RORB: variants seen among roughly 807,000 people sequenced by gnomAD.
RORB encodes the protein RAR related orphan receptor B.
In RORB, 6 loss-of-function variants were observed where a neutral mutation model predicts 59.1. The ratio of observed to expected loss-of-function variants is 0.10; its 90% confidence interval spans 0.06 to 0.20. The LOEUF is 0.20. Among genes scored for constraint, RORB ranks in the 10% least tolerant of loss-of-function variants. RORB has a pLI of 1.00. For synonymous variants in RORB, 215 were observed against 204.5 expected (o/e 1.05, Z -0.44); for missense variants, 320 against 560.5 (o/e 0.57, Z 4.33).
chr9:74,624,478 C>T (rs772770606), intron 1 of RORB, among the ~76,000 whole-genome samples: 8 of 152,152 alleles, frequency 5.3e-5, no homozygotes, highest in Admixed American at 2.6e-4. Flanking sequence ...GTATAGCGGC[C>T]GAAGTTCAAG....
chr9:74,537,687 A>G (rs1826341108), intron 1 of RORB, among the ~76,000 whole-genome samples: 1 of 152,050 alleles, frequency 6.6e-6, no homozygotes, highest in African/African-American at 2.4e-5. Context: ...CAGTACAGAC[A>G]TAGAAATAAT....
intron 1 of RORB, among the ~76,000 whole-genome samples, chr9:74,586,463 A>G (rs1366510854): frequency 6.6e-6 from 1 of 152,050 alleles, no homozygotes; most frequent in Non-Finnish European, 1.5e-5. Flanking sequence ...GTACCACTGC[A>G]CTCCAGCCTG....
chr9:74,505,219 A>G (rs1307153989), intron 1 of RORB, among the ~76,000 whole-genome samples: 1 of 152,076 alleles, frequency 6.6e-6, no homozygotes. Context: ...TAATATTTTC[A>G]AATACAAATG....
chr9:74,630,217 GAT>G, intron 1 of RORB, 63 bp from the exon 2 acceptor site: 1 of 1,586,436 alleles, frequency 6.3e-7, no homozygotes, highest in Non-Finnish European at 8.6e-7. Flanking sequence ...TGGGGAGAGA[GAT>G]AGGAAGAGTG....
intron 1 of RORB, among the ~76,000 whole-genome samples, chr9:74,539,945 C>A (rs1826379273): frequency 6.7e-6 from 1 of 149,274 alleles, no homozygotes; most frequent in East Asian, 2.0e-4. Context: ...ATCTCCCAGA[C>A]AAAAAAGCAA....
At chr9:74,539,177 T>C (rs1826366978) in intron 1 of RORB, among the ~76,000 whole-genome samples, 1 of 152,200 alleles carries the variant, frequency 6.6e-6, no homozygotes, top group African/African-American at 2.4e-5. Flanking sequence ...ACCTCACATG[T>C]TGAGCAATAT....
chr9:74,685,499 A>C lies in RORB; in HGVS notation c.1261A>C (p.Asn421His). ...GATACCAACCATCACGGCAGTTTGC[A>C]ACTTGCACGGGGAGAAGCTGCAGGT... ...AKIPTITAVCNLHGEKLQVFK... is the reference protein window; with the variant it reads ...AKIPTITAVCHLHGEKLQVFK... Residue 421 changes from asparagine (N) to histidine (H), a missense_variant, in exon 10 of 10, where the codon AAC becomes CAC. Asn to His is a moderately conservative substitution (Grantham distance 68, BLOSUM62 1). This residue lies in a region of RORB where 109 missense variants were observed against 171.0 expected (regional missense o/e 0.64). Transcript: ENST00000376896. The C allele has an allele frequency of 1.9e-6, 3 of 1,613,304 alleles. No homozygotes were observed. Among genetic ancestry groups the C allele is most frequent in the Non-Finnish European group, 1.7e-6 (2 of 1,179,440 alleles).
rs1824672583 is a variant in RORB, at chr9:74,687,898, T to C, written c.*2280T>C. The C allele has an allele frequency of 6.6e-6, 1 of 152,220 alleles. No homozygotes were observed. The highest frequency in any genetic ancestry group is 2.4e-5 in the African/African-American group (1 of 41,458). The allele number at this position is 152,220 out of a possible 1,614,324, so 9.4% of individuals were successfully genotyped here. ...TCTACTTGGTGTTTCCCTTTGAGCT[T>C]TGAACTTATGTCAAACTTTGTTTTC... On this transcript the variant is annotated 3_prime_UTR_variant, in exon 10 of 10. Coordinates refer to ENST00000376896, the MANE Select transcript of RORB (RefSeq NM_006914.4).
intron 1 of RORB, among the ~76,000 whole-genome samples, chr9:74,591,516 A>G (rs982553290): frequency 6.6e-6 from 1 of 152,248 alleles, no homozygotes; most frequent in Non-Finnish European, 1.5e-5. Context: ...AAACAAAGCC[A>G]TAAACACTCT....
intron 1 of RORB, among the ~76,000 whole-genome samples, chr9:74,599,955 T>A (rs968731459): frequency 6.6e-6 from 1 of 152,246 alleles, no homozygotes; most frequent in Non-Finnish European, 1.5e-5. Context: ...AGACAAATTA[T>A]GAAGTTGAGA....
At chr9:74,596,049 C>CA (rs1822966187) in intron 1 of RORB, among the ~76,000 whole-genome samples, 1 of 152,054 alleles carries the variant, frequency 6.6e-6, no homozygotes, top group South Asian at 2.1e-4. Context: ...ATGACCTGAA[C>CA]AAAAAATGCA....
chr9:74,523,335 G>A (rs1173535228), intron 1 of RORB, among the ~76,000 whole-genome samples: 2 of 151,368 alleles, frequency 1.3e-5, no homozygotes, highest in Admixed American at 6.6e-5. Context: ...CAAAGCATTT[G>A]CTTGGCCTGC....
chr9:74,579,312 A>C (rs1304956103), intron 1 of RORB, among the ~76,000 whole-genome samples: 1 of 152,142 alleles, frequency 6.6e-6, no homozygotes. Context: ...TTAATTAAAC[A>C]CATTAATTAA....
chr9:74,569,417 C>G (rs893882664), intron 1 of RORB, among the ~76,000 whole-genome samples: 2 of 151,862 alleles, frequency 1.3e-5, no homozygotes. Context: ...AATGTCAATG[C>G]TATTTTGTTG....
chr9:74,501,564 T>C (rs936698715), intron 1 of RORB, among the ~76,000 whole-genome samples: 13 of 152,372 alleles, frequency 8.5e-5, no homozygotes, highest in African/African-American at 3.1e-4. Context: ...GCTGTCTTCA[T>C]TCCAAGAAAT....
intron 1 of RORB, among the ~76,000 whole-genome samples, chr9:74,540,538 C>T (rs1363266153): frequency 1.3e-5 from 2 of 152,154 alleles, no homozygotes; most frequent in East Asian, 1.9e-4. Context: ...AAAATATATT[C>T]GTAACTTCCT....
intron 1 of RORB, among the ~76,000 whole-genome samples, chr9:74,617,972 A>G (rs549996843): frequency 1.1e-4 from 16 of 152,284 alleles, no homozygotes. Context: ...TCAAGATTCA[A>G]TTCTGAAGCA....
intron 9 of RORB, among the ~76,000 whole-genome samples, chr9:74,682,159 G>A (rs1207135847): frequency 1.3e-5 from 2 of 151,894 alleles, no homozygotes; most frequent in Non-Finnish European, 2.9e-5. Flanking sequence ...AAAAATTTTT[G>A]TTGCCTCACT....
At chr9:74,615,129 G>A (rs555400077) in intron 1 of RORB, among the ~76,000 whole-genome samples, 3 of 152,244 alleles carry the variant, frequency 2.0e-5, no homozygotes, top group East Asian at 1.9e-4. Flanking sequence ...ACCTTGATGC[G>A]ATCTTTCATC....
Sources: gnomAD v4.1 joint callset for allele counts (sites outside exome capture counted in the v4.1 genomes callset) on GRCh38, gnomAD v4.1.1 for gene constraint, gnomAD v4.1.1 regional missense constraint, MANE v1.5 for transcripts, NCBI Gene and HGNC (gene_info 2026-07-23, HGNC 2026-07-21) for gene names.